SHISA6: variants seen among roughly 807,000 people sequenced by gnomAD.
SHISA6 encodes shisa family member 6, also known as protein shisa-6.
Under a neutral mutation model 47.9 loss-of-function variants are expected in SHISA6, and 22 were observed. The observed-to-expected ratio is 0.46, with a 90% CI of 0.33 to 0.66. The LOEUF is 0.66. Ranked by LOEUF, SHISA6 falls within the 30% of genes least tolerant of loss-of-function variation. SHISA6 has a pLI of 0.02. For missense variants in SHISA6, 680 were observed against 764.6 expected (o/e 0.89, Z 1.30); for synonymous variants, 388 against 337.8 (o/e 1.15, Z -1.63).
intron 3 of SHISA6, among the ~76,000 whole-genome samples, chr17:11,467,160 A>G (rs1430116438): frequency 6.6e-6 from 1 of 152,212 alleles, no homozygotes; most frequent in Admixed American, 6.5e-5. Context: ...TGTGGGTTCA[A>G]GGATCTATTT....
At chr17:11,511,233 G>A (rs531341531) in intron 3 of SHISA6, among the ~76,000 whole-genome samples, 55 of 152,164 alleles carry the variant, frequency 3.6e-4, no homozygotes, top group Middle Eastern at 3.4e-3. Flanking sequence ...GGAGTTGAAC[G>A]ATGAGAACAC....
Position 11,263,508 on chromosome 17 carries a change from A to G in SHISA6, c.781A>G (p.Thr261Ala), listed in dbSNP as rs571892647. ...CAAAAACCACTACACTCCTGTGCGT[A>G]CGGCCAAGCAGACTCCAGGTAAGTA... Reference protein sequence around the residue: ...SSKNHYTPVRTAKQTPGHYGK... With the variant: ...SSKNHYTPVRAAKQTPGHYGK... Residue 261 changes from threonine to alanine, a missense_variant, in exon 2 of 6, where the codon ACG becomes GCG. Physicochemically the swap from Thr to Ala is moderately conservative, Grantham distance 58. Transcript: ENST00000441885. The G allele has an allele frequency of 1.8e-5, 28 of 1,551,688 alleles. No individual in the cohort carries two copies. The highest frequency in any genetic ancestry group is 1.6e-4 in the Admixed American group (8 of 50,988).
At chr17:11,408,666 C>T (rs1322601360) in intron 3 of SHISA6, among the ~76,000 whole-genome samples, 1 of 152,150 alleles carries the variant, frequency 6.6e-6, no homozygotes, top group Non-Finnish European at 1.5e-5. Flanking sequence ...ATATTGAAGC[C>T]ATCTATTCAT....
chr17:11,263,680 C>A (rs1039820992), intron 2 of SHISA6, among the ~76,000 whole-genome samples, 154 bp downstream of exon 2: 1 of 152,112 alleles, frequency 6.6e-6, no homozygotes, highest in African/African-American at 2.4e-5. Context: ...GACTCTCTCC[C>A]TGGGGTGAGT....
At chr17:11,359,227 T>A (rs1912183095) in intron 2 of SHISA6, among the ~76,000 whole-genome samples, 1 of 152,202 alleles carries the variant, frequency 6.6e-6, no homozygotes. Context: ...TCACCCACAA[T>A]TAGAAAAAGC....
chr17:11,551,751 C>A, intron 3 of SHISA6, 145 bp from the exon 4 acceptor site: 1 of 675,828 alleles, frequency 1.5e-6, no homozygotes, highest in Non-Finnish European at 2.5e-6. Flanking sequence ...TTTCTTGGAG[C>A]CTCATACAAT....
At chr17:11,264,388 A>C (rs952739223) in intron 2 of SHISA6, among the ~76,000 whole-genome samples, 2 of 152,242 alleles carry the variant, frequency 1.3e-5, no homozygotes, top group Non-Finnish European at 2.9e-5. Context: ...TAAGAGAGAA[A>C]AACAAGATTC....
intron 2 of SHISA6, among the ~76,000 whole-genome samples, chr17:11,337,470 C>T (rs1911365198): frequency 6.6e-6 from 1 of 152,172 alleles, no homozygotes. Flanking sequence ...ACCTGAGACA[C>T]TTGATGTGGG....
intron 3 of SHISA6, among the ~76,000 whole-genome samples, chr17:11,488,317 C>T (rs1916401073): frequency 6.6e-6 from 1 of 152,022 alleles, no homozygotes; most frequent in African/African-American, 2.4e-5. Context: ...CCATATTGTT[C>T]AACATCCTTG....
intron 1 of SHISA6, among the ~76,000 whole-genome samples, chr17:11,258,088 A>G (rs1164557960): frequency 2.0e-5 from 3 of 152,246 alleles, no homozygotes; most frequent in African/African-American, 4.8e-5. Flanking sequence ...ATTAGTCCTT[A>G]GAAATAAGAA....
intron 3 of SHISA6, among the ~76,000 whole-genome samples, chr17:11,495,240 C>T (rs1229507345): frequency 6.6e-6 from 1 of 152,188 alleles, no homozygotes; most frequent in Non-Finnish European, 1.5e-5. Context: ...GGCTCCACTA[C>T]GTAGCTGCTG....
chr17:11,367,361 A>G (rs1912487412), intron 2 of SHISA6, among the ~76,000 whole-genome samples: 1 of 152,172 alleles, frequency 6.6e-6, no homozygotes, highest in Non-Finnish European at 1.5e-5. Flanking sequence ...GAGGACAGAG[A>G]AAGGGGATGG....
At chr17:11,352,710 T>C (rs1486188736) in intron 2 of SHISA6, among the ~76,000 whole-genome samples, 1 of 152,142 alleles carries the variant, frequency 6.6e-6, no homozygotes, top group East Asian at 1.9e-4. Flanking sequence ...GAGAGAGGGT[T>C]GGTGCGCCTT....
chr17:11,450,360 CA>C (rs1915359419), intron 3 of SHISA6, among the ~76,000 whole-genome samples: 1 of 151,532 alleles, frequency 6.6e-6, no homozygotes, highest in Admixed American at 6.6e-5. Flanking sequence ...CAATTCGTAA[CA>C]AAGAGTAATC....
At chr17:11,521,353 G>C (rs936088300) in intron 3 of SHISA6, among the ~76,000 whole-genome samples, 2 of 152,244 alleles carry the variant, frequency 1.3e-5, no homozygotes, top group East Asian at 1.9e-4. Context: ...CTTATTCTAA[G>C]TTTGGTCAAA....
At chr17:11,327,465 T>C (rs1403521792) in intron 2 of SHISA6, among the ~76,000 whole-genome samples, 16 of 152,190 alleles carry the variant, frequency 1.1e-4, no homozygotes, top group Admixed American at 9.8e-4. Flanking sequence ...AAGAAAAGCA[T>C]CTCTATCTAC....
chr17:11,492,084 T>C (rs2071366824), intron 3 of SHISA6, among the ~76,000 whole-genome samples: 1 of 152,118 alleles, frequency 6.6e-6, no homozygotes. Context: ...TGAAGGTTTT[T>C]GAAAAGTGAA....
intron 3 of SHISA6, among the ~76,000 whole-genome samples, chr17:11,386,646 G>T (rs72807130): frequency 0.1 from 15,874 of 152,176 alleles, 877 homozygotes; most frequent in East Asian, 0.18. Context: ...TTATGCTGGG[G>T]GTGTATTTCA....
At chr17:11,258,221 A>G (rs991714626) in intron 1 of SHISA6, among the ~76,000 whole-genome samples, 3 of 152,204 alleles carry the variant, frequency 2.0e-5, no homozygotes, top group Non-Finnish European at 4.4e-5. Flanking sequence ...AGGGCTCGAA[A>G]CTATCCAGTT....
Sources: gnomAD v4.1 joint callset for allele counts (sites outside exome capture counted in the v4.1 genomes callset) on GRCh38, gnomAD v4.1.1 for gene constraint, MANE v1.5 for transcripts, NCBI Gene and HGNC (gene_info 2026-07-23, HGNC 2026-07-21) for gene names.